NELL1: variants seen among roughly 807,000 people sequenced by gnomAD.
The protein encoded by NELL1 is protein kinase C-binding protein NELL1.
NELL1 carries 76 observed loss-of-function variants against 107.4 expected under a neutral mutation model. The observed-to-expected ratio is 0.71, with a 90% CI of 0.59 to 0.86. The LOEUF is 0.86. Among genes scored for constraint, NELL1 ranks in the 40% least tolerant of loss-of-function variants. NELL1 has a pLI of 0.00. For missense variants in NELL1, 1,024 were observed against 1,005.5 expected (o/e 1.02, Z -0.25); for synonymous variants, 353 against 341.2 (o/e 1.03, Z -0.38).
chr11:21,146,927 C>T (rs1855994236), intron 13 of NELL1, among the ~76,000 whole-genome samples: 1 of 152,046 alleles, frequency 6.6e-6, no homozygotes, highest in African/African-American at 2.4e-5. Flanking sequence ...GACTGTAGTC[C>T]CAGCCACTTG....
chr11:20,918,147 A>C (rs373840691), intron 5 of NELL1, 35 bp from the exon 6 acceptor site: 1 of 1,229,824 alleles, frequency 8.1e-7, no homozygotes, highest in African/African-American at 1.5e-5. Context: ...TGGTGACTGT[A>C]ATCTTGATTG....
At chr11:21,065,974 A>T (rs1853858767) in intron 12 of NELL1, among the ~76,000 whole-genome samples, 1 of 152,140 alleles carries the variant, frequency 6.6e-6, no homozygotes, top group Non-Finnish European at 1.5e-5. Context: ...CATGTTCCTA[A>T]TTCAGTTGTA....
intron 4 of NELL1, among the ~76,000 whole-genome samples, chr11:20,863,131 G>C (rs1477840202): frequency 2.0e-5 from 3 of 152,142 alleles, no homozygotes; most frequent in Non-Finnish European, 2.9e-5. Flanking sequence ...TCCTAGATGG[G>C]GTGGTGGCCG....
intron 4 of NELL1, among the ~76,000 whole-genome samples, chr11:20,876,843 C>T (rs1408188783): frequency 2.6e-5 from 4 of 152,158 alleles, no homozygotes; most frequent in Non-Finnish European, 5.9e-5. Flanking sequence ...CCCCCTGTCA[C>T]AGTCAGTAAA....
intron 13 of NELL1, among the ~76,000 whole-genome samples, chr11:21,146,230 GA>G (rs199880172): frequency 0.01 from 1,537 of 148,930 alleles, 27 homozygotes; most frequent in African/African-American, 0.036. Context: ...TCTGACAGAA[GA>G]AAAAAAACAT....
At chr11:20,925,041 C>T (rs932133018) in intron 7 of NELL1, among the ~76,000 whole-genome samples, 5 of 152,062 alleles carry the variant, frequency 3.3e-5, no homozygotes, top group Non-Finnish European at 5.9e-5. Flanking sequence ...CTAGAGATGA[C>T]TTAAAGTGTA....
chr11:20,882,184 T>C (rs1401271101), intron 4 of NELL1, among the ~76,000 whole-genome samples: 1 of 152,210 alleles, frequency 6.6e-6, no homozygotes, highest in Non-Finnish European at 1.5e-5. Context: ...TCTATAGGGG[T>C]ACGTGTAGGA....
At chr11:21,351,939 G>A (rs1054998627) in intron 14 of NELL1, among the ~76,000 whole-genome samples, 8 of 152,136 alleles carry the variant, frequency 5.3e-5, no homozygotes, top group Non-Finnish European at 1.0e-4. Context: ...CCTAATGACC[G>A]TAGGAGAACT....
intron 12 of NELL1, among the ~76,000 whole-genome samples, chr11:21,028,638 C>T (rs961328422): frequency 2.6e-5 from 4 of 152,068 alleles, no homozygotes; most frequent in Admixed American, 6.6e-5. Flanking sequence ...TATCCATGCT[C>T]TCTCTACCTC....
At chr11:21,407,842 A>T (rs1168726195) in intron 15 of NELL1, among the ~76,000 whole-genome samples, 1 of 151,790 alleles carries the variant, frequency 6.6e-6, no homozygotes, top group East Asian at 2.0e-4. Context: ...ATCTAAAAAA[A>T]ATTTTCCTTT....
chr11:21,061,965 G>A (rs1032799212), intron 12 of NELL1, among the ~76,000 whole-genome samples: 1 of 152,126 alleles, frequency 6.6e-6, no homozygotes, highest in Non-Finnish European at 1.5e-5. Flanking sequence ...TCCTTGAAGG[G>A]AGTGAGTTAG....
chr11:21,419,252 G>A (rs559358138), intron 15 of NELL1, among the ~76,000 whole-genome samples: 2 of 152,160 alleles, frequency 1.3e-5, no homozygotes, highest in African/African-American at 4.8e-5. Flanking sequence ...GAGAGAAGTG[G>A]GGAGCTATGA....
intron 4 of NELL1, among the ~76,000 whole-genome samples, chr11:20,884,587 A>G (rs1372535986): frequency 6.6e-6 from 1 of 152,180 alleles, no homozygotes; most frequent in African/African-American, 2.4e-5. Context: ...CACGAATAAA[A>G]AGATTTGGGA....
intron 14 of NELL1, chr11:21,283,721 T>G (rs2133950529): frequency 6.0e-6 from 1 of 166,006 alleles, no homozygotes; most frequent in Admixed American, 5.6e-5. Flanking sequence ...GGAAGCTAGT[T>G]CAAAGCCAGA....
intron 12 of NELL1, among the ~76,000 whole-genome samples, chr11:20,985,058 C>T (rs1468048980): frequency 6.6e-6 from 1 of 152,088 alleles, no homozygotes; most frequent in African/African-American, 2.4e-5. Flanking sequence ...GGATGTGATT[C>T]ACCTGGTCAA....
intron 12 of NELL1, among the ~76,000 whole-genome samples, chr11:21,097,154 A>G (rs1854663359): frequency 6.6e-6 from 1 of 152,098 alleles, no homozygotes; most frequent in Admixed American, 6.6e-5. Flanking sequence ...CTGCAGCCAG[A>G]TTTCTACGTT....
At chr11:21,442,679 C>G (rs1345756533) in intron 15 of NELL1, among the ~76,000 whole-genome samples, 3 of 152,064 alleles carry the variant, frequency 2.0e-5, no homozygotes, top group Non-Finnish European at 4.4e-5. Flanking sequence ...ATGCAGCTCA[C>G]ATTTTCAGAG....
chr11:21,438,038 T>G (rs1429135014), intron 15 of NELL1, among the ~76,000 whole-genome samples: 4 of 152,226 alleles, frequency 2.6e-5, no homozygotes, highest in African/African-American at 7.2e-5. Flanking sequence ...TTCGATTCCT[T>G]TCTCTTTCCT....
chr11:21,464,076 C>T lies in NELL1; in HGVS notation c.1646-70298C>T, dbSNP rs1203460407. Among the ~76,000 whole-genome samples the T allele has an allele frequency of 8.5e-5, 13 of 152,100 alleles. No homozygotes were observed. In the East Asian group the frequency reaches 2.5e-3, roughly 30 times the overall value. On this transcript the variant is annotated intron_variant, in intron 15 of 19. Coordinates refer to ENST00000357134, the MANE Select transcript of NELL1 (RefSeq NM_006157.5). ...TACCTGGTGGGCAGGGCTCCAAATT[C>T]AAATGTTCCAGTGAACAAGGTGGAA...
Sources: allele counts gnomAD v4.1 joint callset (sites outside exome capture counted in the v4.1 genomes callset), GRCh38; gene constraint gnomAD v4.1.1; transcripts MANE v1.5; gene names NCBI Gene and HGNC (gene_info 2026-07-23, HGNC 2026-07-21).